ERG: variants seen among roughly 807,000 people sequenced by gnomAD.
ERG encodes the protein transcriptional regulator ERG.
In ERG, 9 loss-of-function variants were observed where a neutral mutation model predicts 55.3. That is an observed-to-expected ratio of 0.16 (90% CI 0.10 to 0.28). The LOEUF is 0.28. Ranked by LOEUF, ERG falls within the 10% of genes least tolerant of loss-of-function variation. The probability of loss-of-function intolerance (pLI) is 1.00; values close to 1 mark genes in which losing one functional copy is unlikely to be tolerated. For synonymous variants in ERG, 223 were observed against 237.3 expected (o/e 0.94, Z 0.55); for missense variants, 434 against 631.6 (o/e 0.69, Z 3.35).
At chr21:38,379,765 G>C (rs1987341625), downstream of ERG, among the ~76,000 whole-genome samples, 2 of 152,018 alleles carry the variant, frequency 1.3e-5, no homozygotes. Context: ...TTTGAATCAG[G>C]GTGTCACTCT....
In ERG at chr21:38,522,222, A is replaced by G. The variant is rs968461007; in HGVS notation, c.-41+53440T>C. 2.6e-5 allele frequency among the ~76,000 whole-genome samples: 4 copies of G among 152,148 alleles called. No individual in the cohort carries two copies. In the East Asian group the frequency reaches 7.7e-4, roughly 29 times the overall value. ...TGTTTCATATATAAGTTTTGACAAG[A>G]TCTGGCTACTTAAATTACAAGATAT... On this transcript the variant is annotated intron_variant, in intron 2 of 8. Transcript: ENST00000398897.
chr21:38,396,171 G>GA (rs112841377), intron 6 of ERG, among the ~76,000 whole-genome samples: 9,056 of 151,162 alleles, frequency 0.06, 285 homozygotes, highest in African/African-American at 0.084. Context: ...TCTGTGAAAT[G>GA]AAAAAAAAAG....
At position 38,449,264 on chromosome 21, in the gene ERG, T is replaced by A. The variant is rs541092753; in HGVS notation, c.19-3643A>T. ...GTTTGCCAATGTGTGGGGTGTTTTT[T>A]TCTGTAGCTCCAGGAAAGTTGGGAT... is the stretch of plus-strand genomic sequence containing the variant. On this transcript the variant is annotated intron_variant, in intron 1 of 9. Coordinates refer to ENST00000288319, the MANE Select transcript of ERG (RefSeq NM_182918.4). Among the ~76,000 whole-genome samples, 3 of 152,350 alleles carry A rather than the reference T, an allele frequency of 2.0e-5. No homozygotes were observed. In the East Asian group the frequency reaches 5.8e-4, roughly 29 times the overall value.
At chr21:38,454,513 T>A (rs1253471644) in intron 1 of ERG, among the ~76,000 whole-genome samples, 1 of 135,088 alleles carries the variant, frequency 7.4e-6, no homozygotes. Flanking sequence ...GCATTATCCT[T>A]TTTTGACTCT....
intron 1 of ERG, chr21:38,451,298 G>C (rs2058939593): frequency 2.2e-6 from 1 of 461,106 alleles, no homozygotes; most frequent in African/African-American, 2.0e-5. Context: ...TAGGGGATGT[G>C]TAGCAATGGG....
chr21:38,504,291 G>C (rs2059443984), intron 2 of ERG, among the ~76,000 whole-genome samples: 2 of 152,158 alleles, frequency 1.3e-5, no homozygotes, highest in African/African-American at 4.8e-5. Flanking sequence ...ATGGAGCAAT[G>C]ATTTCAATAA....
chr21:38,659,424 G>A (rs2060538694), intron 1 of ERG, among the ~76,000 whole-genome samples: 1 of 152,214 alleles, frequency 6.6e-6, no homozygotes, highest in Admixed American at 6.5e-5. Flanking sequence ...GGCCTGCCCC[G>A]GGAGCGGGCA....
At chr21:38,556,397 A>G (rs2059858525) in intron 2 of ERG, among the ~76,000 whole-genome samples, 1 of 152,138 alleles carries the variant, frequency 6.6e-6, no homozygotes, top group Non-Finnish European at 1.5e-5. Flanking sequence ...AGAAAAAATG[A>G]AGAAGATTAT....
chr21:38,396,617 T>C (rs1038279047), intron 6 of ERG, among the ~76,000 whole-genome samples: 43 of 152,166 alleles, frequency 2.8e-4, no homozygotes. Context: ...GTCATGGGGA[T>C]GGAAGAGGAA....
At position 38,380,298 on chromosome 21, in the gene ERG, G is replaced by T; in HGVS notation, c.*3105C>A. 1 of 1,055,758 alleles carries T rather than the reference G, an allele frequency of 9.5e-7. No homozygotes were observed. The highest frequency in any genetic ancestry group is 1.1e-6 in the Non-Finnish European group (1 of 873,294). 65.4% of individuals were successfully genotyped at this position (1,055,758 alleles called of 1,614,324 possible). On this transcript the variant is annotated 3_prime_UTR_variant, in exon 10 of 10. Transcript: ENST00000288319. ...TCCGGCTCCTGCTCCTGGGTTGCAG[G>T]TGCCACATCTGTGCAGAAGGCTTAG... is the stretch of plus-strand genomic sequence containing the variant.
chr21:38,440,346 C>T (rs1442247180), intron 2 of ERG, among the ~76,000 whole-genome samples: 2 of 152,224 alleles, frequency 1.3e-5, no homozygotes, highest in Non-Finnish European at 2.9e-5. Context: ...ACACACTGCT[C>T]TGCAGCATCT....
chr21:38,457,844 A>T (rs1033773950), intron 1 of ERG, among the ~76,000 whole-genome samples: 4 of 152,204 alleles, frequency 2.6e-5, no homozygotes, highest in Admixed American at 2.6e-4. Flanking sequence ...TCCAACCTGC[A>T]CAGTAAGCCT....
At chr21:38,384,183 G>T in intron 9 of ERG, among the ~76,000 whole-genome samples, 1 of 152,188 alleles carries the variant, frequency 6.6e-6, no homozygotes, top group East Asian at 1.9e-4. Context: ...GGACTGAACG[G>T]GGTACCACGG....
At chr21:38,488,012 G>A (rs751736807) in intron 1 of ERG, among the ~76,000 whole-genome samples, 11 of 152,038 alleles carry the variant, frequency 7.2e-5, no homozygotes, top group African/African-American at 1.2e-4. Flanking sequence ...GCAGTCTCTC[G>A]GGGTCAAATG....
intron 2 of ERG, among the ~76,000 whole-genome samples, chr21:38,555,611 A>G (rs963472198): frequency 3.9e-5 from 6 of 152,264 alleles, no homozygotes; most frequent in South Asian, 2.1e-4. Flanking sequence ...AATATGCACT[A>G]TGTCTGACAC....
intron 1 of ERG, among the ~76,000 whole-genome samples, chr21:38,622,861 C>A (rs1473593480): frequency 6.6e-6 from 1 of 150,886 alleles, no homozygotes; most frequent in African/African-American, 2.4e-5. Flanking sequence ...CACACACCCA[C>A]ACCACACATA....
rs562743696 is a variant in ERG, at chr21:38,549,275, G to A, written c.-41+26387C>T. On this transcript the variant is annotated intron_variant, in intron 2 of 8. Coordinates refer to the ERG transcript ENST00000398897. ...AGGGTGATAAATCATCATACTAAAG[G>A]CATCATCTGAAGGCTCCTAGAGTAT... 3.9e-5 allele frequency among the ~76,000 whole-genome samples: 6 copies of A among 151,980 alleles called. No homozygotes were observed. The South Asian group carries it at 6.2e-4, about 16-fold the overall frequency.
chr21:38,511,366 T>C (rs1010753546), intron 2 of ERG, among the ~76,000 whole-genome samples: 1 of 152,204 alleles, frequency 6.6e-6, no homozygotes, highest in Non-Finnish European at 1.5e-5. Context: ...GGAATGCCTA[T>C]GGGTACAAAG....
At chr21:38,631,782 C>T (rs2060358398) in intron 1 of ERG, among the ~76,000 whole-genome samples, 1 of 151,996 alleles carries the variant, frequency 6.6e-6, no homozygotes, top group Non-Finnish European at 1.5e-5. Context: ...CTCAACCCTC[C>T]TGGCATCTCC....
Sources: gnomAD v4.1 joint callset for allele counts (sites outside exome capture counted in the v4.1 genomes callset) on GRCh38, gnomAD v4.1.1 for gene constraint, MANE v1.5 for transcripts, NCBI Gene and HGNC (gene_info 2026-07-23, HGNC 2026-07-21) for gene names.